Variants in RFX7 observed in about 807,000 individuals in gnomAD.
RFX7 encodes DNA-binding protein RFX7.
Under a neutral mutation model 111.8 loss-of-function variants are expected in RFX7, and 26 were observed. That is an observed-to-expected ratio of 0.23 (90% confidence interval 0.17 to 0.32). RFX7 has a LOEUF of 0.32. RFX7 is among the 10% of genes least tolerant of loss of function. RFX7 has a pLI of 1.00. For missense variants in RFX7, 1,573 were observed against 1,772.9 expected (o/e 0.89, Z 2.02); for synonymous variants, 624 against 624.4 (o/e 1.00, Z 0.01).
intron 2 of RFX7, among the ~76,000 whole-genome samples, chr15:56,187,147 G>A (rs1026869462): frequency 3.3e-5 from 5 of 150,466 alleles, no homozygotes; most frequent in African/African-American, 9.7e-5. Flanking sequence ...AATCAAAAGA[G>A]TAATCAAAAG....
chr15:56,202,994 CA>C (rs2043208911), intron 2 of RFX7, among the ~76,000 whole-genome samples: 1 of 152,066 alleles, frequency 6.6e-6, no homozygotes, highest in Admixed American at 6.6e-5. Flanking sequence ...ACTAGGACAG[CA>C]AAGTGATCAG....
intron 2 of RFX7, among the ~76,000 whole-genome samples, chr15:56,238,813 C>T (rs762304887): frequency 7.2e-5 from 11 of 151,900 alleles, no homozygotes; most frequent in Admixed American, 2.6e-4. Flanking sequence ...TATGTGCTTC[C>T]GACTTATTTA....
At chr15:56,203,719 C>T (rs966552795) in intron 2 of RFX7, among the ~76,000 whole-genome samples, 5 of 152,186 alleles carry the variant, frequency 3.3e-5, no homozygotes, top group Non-Finnish European at 5.9e-5. Context: ...CACTCCCACC[C>T]ACACCATGAC....
At chr15:56,138,090 T>C (rs1475224256) in intron 5 of RFX7, among the ~76,000 whole-genome samples, 1 of 143,170 alleles carries the variant, frequency 7.0e-6, no homozygotes, top group Non-Finnish European at 1.5e-5. Flanking sequence ...ATGTATATTC[T>C]GTTGATTTGG....
chr15:56,217,583 T>C (rs1458719466), intron 2 of RFX7, among the ~76,000 whole-genome samples: 2 of 152,224 alleles, frequency 1.3e-5, no homozygotes, highest in Non-Finnish European at 2.9e-5. Flanking sequence ...ATAGACTTTA[T>C]AGACTTTATA....
intron 2 of RFX7, among the ~76,000 whole-genome samples, chr15:56,195,474 AT>A (rs1325759351): frequency 6.6e-6 from 1 of 152,186 alleles, no homozygotes; most frequent in Non-Finnish European, 1.5e-5. Context: ...CTAGTGCCTA[AT>A]CAACAGATTG....
chr15:56,139,992 T>C (rs2042365174), intron 5 of RFX7, among the ~76,000 whole-genome samples: 1 of 152,138 alleles, frequency 6.6e-6, no homozygotes, highest in Non-Finnish European at 1.5e-5. Flanking sequence ...TCCAGCTGCG[T>C]GCTGGGAGAA....
chr15:56,097,921 T>C (rs765223503), intron 9 of RFX7, among the ~76,000 whole-genome samples, 160 bp downstream of exon 9: 1 of 152,126 alleles, frequency 6.6e-6, no homozygotes, highest in Non-Finnish European at 1.5e-5. Context: ...ATCAACAACA[T>C]ACATCCTGAA....
chr15:56,231,902 C>T (rs1346476733), intron 2 of RFX7, among the ~76,000 whole-genome samples: 2 of 152,132 alleles, frequency 1.3e-5, no homozygotes, highest in African/African-American at 4.8e-5. Flanking sequence ...CATGCAAGTC[C>T]CAAATCCAGT....
chr15:56,207,088 C>G (rs2043261301), intron 2 of RFX7, among the ~76,000 whole-genome samples: 1 of 152,056 alleles, frequency 6.6e-6, no homozygotes, highest in Non-Finnish European at 1.5e-5. Flanking sequence ...ACTTTGCATT[C>G]CTGTATCAAA....
chr15:56,178,852 A>G (rs1422987516), intron 3 of RFX7, among the ~76,000 whole-genome samples: 5 of 152,172 alleles, frequency 3.3e-5, no homozygotes, highest in African/African-American at 1.2e-4. Context: ...AACTTAAACT[A>G]TTATTATGGC....
chr15:56,149,375 G>A (rs529881915), intron 3 of RFX7, among the ~76,000 whole-genome samples: 2 of 152,270 alleles, frequency 1.3e-5, no homozygotes, highest in South Asian at 4.1e-4. Flanking sequence ...CACCTTTGAG[G>A]AAACTGAAGG....
At chr15:56,162,661 A>G (rs2042735293) in intron 3 of RFX7, among the ~76,000 whole-genome samples, 1 of 152,062 alleles carries the variant, frequency 6.6e-6, no homozygotes, top group African/African-American at 2.4e-5. Flanking sequence ...AACATTAATA[A>G]CCATGTTTTT....
chr15:56,176,553 T>C (rs1045444052), intron 3 of RFX7, among the ~76,000 whole-genome samples: 1 of 152,084 alleles, frequency 6.6e-6, no homozygotes, highest in Admixed American at 6.6e-5. Context: ...CAAACAAAAC[T>C]GTAAACCAGA....
At chr15:56,227,025 C>T (rs2043493210) in intron 2 of RFX7, among the ~76,000 whole-genome samples, 1 of 152,094 alleles carries the variant, frequency 6.6e-6, no homozygotes, top group Non-Finnish European at 1.5e-5. Flanking sequence ...AAATCAGAAT[C>T]CACATAAGAA....
intron 2 of RFX7, among the ~76,000 whole-genome samples, chr15:56,222,147 A>G (rs1328745432): frequency 6.6e-6 from 1 of 152,202 alleles, no homozygotes; most frequent in South Asian, 2.1e-4. Flanking sequence ...TTAAATTTCC[A>G]GATTGACAAC....
At position 56,092,903 on chromosome 15, in the gene RFX7, T is replaced by C. The variant is rs2140508118; in HGVS notation, c.*442A>G. ...TATAATAACCTGAATATTATCCCTG[T>C]TTCAAGGAAGACTTTCTTGTCTACA... is the stretch of plus-strand genomic sequence containing the variant. On this transcript the variant is annotated 3_prime_UTR_variant, in exon 10 of 10. Coordinates refer to ENST00000559447, the MANE Select transcript of RFX7 (RefSeq NM_022841.7). The C allele has an allele frequency of 6.4e-6, 1 of 156,638 alleles. No individual in the cohort carries two copies. The highest frequency in any genetic ancestry group is 1.4e-5 in the Non-Finnish European group (1 of 70,416). The allele number at this position is 156,638 out of a possible 1,614,324, so 9.7% of individuals were successfully genotyped here. A position where few individuals can be genotyped will look rare whatever the true frequency, so the allele number is the denominator to read the frequency against.
chr15:56,143,288 A>T (rs2042425776), intron 4 of RFX7, among the ~76,000 whole-genome samples: 1 of 151,886 alleles, frequency 6.6e-6, no homozygotes, highest in Admixed American at 6.6e-5. Context: ...CAGCATTCTC[A>T]TATAATATAT....
At chr15:56,111,644 TAAAAAAATAAATAAACCAAAAA>T (rs2041933200) in intron 5 of RFX7, among the ~76,000 whole-genome samples, 1 of 16,736 alleles carries the variant, frequency 6.0e-5, no homozygotes, top group South Asian at 1.4e-3. Flanking sequence ...GAATGATCAA[TAAAAAAATAAATAAACCAAAAA>T]AAAAAAAAAA....
Sources: gnomAD v4.1 joint callset for allele counts (sites outside exome capture counted in the v4.1 genomes callset) on GRCh38, gnomAD v4.1.1 for gene constraint, MANE v1.5 for transcripts, NCBI Gene and HGNC (gene_info 2026-07-23, HGNC 2026-07-21) for gene names.